RALY: variants seen among roughly 807,000 people sequenced by gnomAD.
The protein encoded by RALY is RALY heterogeneous nuclear ribonucleoprotein.
In RALY, 15 loss-of-function variants were observed where a neutral mutation model predicts 30.7. That is an observed-to-expected ratio of 0.49 (90% CI 0.33 to 0.75). The LOEUF (loss-of-function observed/expected upper bound fraction) is 0.75, where lower values mean the gene tolerates loss of function less well. RALY is among the 30% of genes least tolerant of loss of function. The pLI is 0.02. For synonymous variants in RALY, 177 were observed against 170.8 expected, an observed-to-expected ratio of 1.04 and a Z score of -0.28; for missense variants, 339 against 414.3, an observed-to-expected ratio of 0.82 and a Z score of 1.58.
At chr20:34,040,544 TCTG>T (rs1175381487) in intron 2 of RALY, among the ~76,000 whole-genome samples, 2 of 152,232 alleles carry the variant, frequency 1.3e-5, no homozygotes, top group African/African-American at 2.4e-5. Context: ...ACAGCTCTGA[TCTG>T]CTGCTGGCTG....
At chr20:34,031,859 TCTG>T (rs1255801799) in intron 2 of RALY, among the ~76,000 whole-genome samples, 1 of 152,194 alleles carries the variant, frequency 6.6e-6, no homozygotes, top group Non-Finnish European at 1.5e-5. Flanking sequence ...CCTTCTTGCT[TCTG>T]CTAGCTGCTT....
At chr20:34,057,741 G>C (rs2033294367) in intron 2 of RALY, among the ~76,000 whole-genome samples, 1 of 152,022 alleles carries the variant, frequency 6.6e-6, no homozygotes, top group Non-Finnish European at 1.5e-5. Flanking sequence ...TATTGCTGTG[G>C]TGACAGTAGA....
At chr20:34,040,680 G>C (rs545887336) in intron 2 of RALY, among the ~76,000 whole-genome samples, 1 of 152,274 alleles carries the variant, frequency 6.6e-6, no homozygotes, top group South Asian at 2.1e-4. Flanking sequence ...CAGGTATTGT[G>C]ACAGGTACTT....
chr20:34,001,048 C>T (rs772964368), intron 1 of RALY, among the ~76,000 whole-genome samples: 6 of 152,144 alleles, frequency 3.9e-5, no homozygotes, highest in Non-Finnish European at 8.8e-5. Context: ...TCTGGGTTCA[C>T]AAAAGATACC....
At chr20:34,042,921 T>C (rs1442206564) in intron 2 of RALY, among the ~76,000 whole-genome samples, 1 of 152,242 alleles carries the variant, frequency 6.6e-6, no homozygotes, top group Non-Finnish European at 1.5e-5. Flanking sequence ...ACATGACTTT[T>C]AAGTGGTCAC....
intron 2 of RALY, among the ~76,000 whole-genome samples, chr20:34,069,962 G>A (rs896605467): frequency 1.7e-4 from 26 of 152,082 alleles, no homozygotes; most frequent in Admixed American, 9.8e-4. Context: ...CCTAACCCTG[G>A]GAGCAGTTTC....
intron 1 of RALY, among the ~76,000 whole-genome samples, chr20:34,007,038 T>G (rs2031191351): frequency 1.3e-5 from 2 of 152,222 alleles, no homozygotes; most frequent in African/African-American, 4.8e-5. Context: ...AGTTGTTGGT[T>G]AAGGACAATT....
At chr20:34,049,701 T>G (rs1273005344) in intron 2 of RALY, among the ~76,000 whole-genome samples, 1 of 152,196 alleles carries the variant, frequency 6.6e-6, no homozygotes, top group Non-Finnish European at 1.5e-5. Context: ...CATTGAACCT[T>G]AACTGCAATC....
intron 2 of RALY, among the ~76,000 whole-genome samples, chr20:34,062,155 A>G (rs1255692165): frequency 6.6e-6 from 1 of 152,118 alleles, no homozygotes; most frequent in East Asian, 1.9e-4. Context: ...GACTTTATTC[A>G]TCTCTGGTTC....
At chr20:34,060,068 A>G (rs1271986859) in intron 2 of RALY, among the ~76,000 whole-genome samples, 1 of 152,212 alleles carries the variant, frequency 6.6e-6, no homozygotes, top group Non-Finnish European at 1.5e-5. Flanking sequence ...TTTATGTTCA[A>G]GGCACATTTC....
intron 2 of RALY, among the ~76,000 whole-genome samples, chr20:34,047,797 G>A (rs1014217944): frequency 6.6e-6 from 1 of 152,138 alleles, no homozygotes; most frequent in Non-Finnish European, 1.5e-5. Flanking sequence ...TACTTAGTTG[G>A]GTGAGTAGCC....
intron 1 of RALY, among the ~76,000 whole-genome samples, chr20:34,003,932 C>A (rs1362985202): frequency 1.3e-5 from 2 of 152,230 alleles, no homozygotes; most frequent in African/African-American, 4.8e-5. Context: ...AGCCACCGTG[C>A]CCGGCCTCCA....
intron 1 of RALY, among the ~76,000 whole-genome samples, chr20:34,013,251 TA>T (rs922061740): frequency 1.8e-3 from 261 of 143,164 alleles, no homozygotes; most frequent in African/African-American, 5.8e-3. Flanking sequence ...ACAAACAAAA[TA>T]AAAAAAAAAA....
chr20:34,069,762 A>T (rs1023580270), intron 2 of RALY, among the ~76,000 whole-genome samples: 2 of 152,182 alleles, frequency 1.3e-5, no homozygotes, highest in Admixed American at 1.3e-4. Flanking sequence ...TGTGTCCCTC[A>T]CTGCCTGATA....
chr20:34,059,471 CAG>C (rs1266636310), intron 2 of RALY, among the ~76,000 whole-genome samples: 4 of 152,132 alleles, frequency 2.6e-5, no homozygotes, highest in African/African-American at 9.7e-5. Context: ...TGTCAGGTAA[CAG>C]AGCATGTTAT....
intron 2 of RALY, among the ~76,000 whole-genome samples, chr20:34,053,452 C>CA (rs1359627273): frequency 8.5e-6 from 1 of 118,144 alleles, no homozygotes; most frequent in Non-Finnish European, 1.6e-5. Flanking sequence ...GGCTATAGTG[C>CA]AATGGCACAG....
intron 1 of RALY, among the ~76,000 whole-genome samples, chr20:34,004,902 G>A (rs1342966640): frequency 1.3e-5 from 2 of 152,166 alleles, no homozygotes; most frequent in Non-Finnish European, 2.9e-5. Context: ...CCCTAGCTGG[G>A]TGTTTATTTT....
chr20:34,065,645 C>T (rs1000331448), intron 2 of RALY, among the ~76,000 whole-genome samples: 2 of 152,174 alleles, frequency 1.3e-5, no homozygotes, highest in Admixed American at 6.5e-5. Context: ...AAAGCAGGAG[C>T]CTCTGGACCA....
intron 2 of RALY, among the ~76,000 whole-genome samples, chr20:34,041,785 C>CT (rs1046294473): frequency 3.9e-5 from 6 of 152,084 alleles, no homozygotes; most frequent in Admixed American, 2.0e-4. Flanking sequence ...CATAGTAACC[C>CT]TTTTTTTAAA....
Sources: gnomAD v4.1 joint callset for allele counts (sites outside exome capture counted in the v4.1 genomes callset) on GRCh38, gnomAD v4.1.1 for gene constraint, MANE v1.5 for transcripts, NCBI Gene and HGNC (gene_info 2026-07-23, HGNC 2026-07-21) for gene names.